The following SLC8A1 variants were observed in gnomAD, a reference collection of about 807,000 sequenced individuals.
The protein encoded by SLC8A1 is solute carrier family 8 member A1.
A neutral mutation model predicts 68.3 loss-of-function variants in SLC8A1; 18 were observed. The observed-to-expected ratio is 0.26, with a 90% confidence interval of 0.18 to 0.39. The LOEUF (loss-of-function observed/expected upper bound fraction) is 0.39, where lower values mean the gene tolerates loss of function less well. Among genes scored for constraint, SLC8A1 ranks in the 10% least tolerant of loss-of-function variants. The pLI, the probability that SLC8A1 is intolerant of heterozygous loss-of-function variation, is 1.00. For missense variants in SLC8A1, 985 were observed against 1,156.7 expected, an observed-to-expected ratio of 0.85 and a Z score of 2.15; for synonymous variants, 475 against 415.5, an observed-to-expected ratio of 1.14 and a Z score of -1.74.
intron 2 of SLC8A1, among the ~76,000 whole-genome samples, chr2:40,375,458 A>G (rs1014122355): frequency 3.9e-5 from 6 of 152,136 alleles, no homozygotes; most frequent in African/African-American, 1.4e-4. Context: ...TTTAAAAAAT[A>G]AGCATTTTAA....
intron 2 of SLC8A1, among the ~76,000 whole-genome samples, chr2:40,179,679 G>C (rs754165224): frequency 6.6e-6 from 1 of 152,040 alleles, no homozygotes; most frequent in Non-Finnish European, 1.5e-5. Flanking sequence ...CTTTAATTTT[G>C]GTGGAGTTTT....
At chr2:40,392,200 GAAAA>G (rs1375101474) in intron 2 of SLC8A1, among the ~76,000 whole-genome samples, 2 of 150,486 alleles carry the variant, frequency 1.3e-5, no homozygotes, top group African/African-American at 4.9e-5. Context: ...AAAAAAGAAA[GAAAA>G]GAAAAAGAAA....
chr2:40,426,664 G>A (rs527364436), intron 2 of SLC8A1, among the ~76,000 whole-genome samples: 1 of 151,948 alleles, frequency 6.6e-6, no homozygotes, highest in South Asian at 2.1e-4. Context: ...ATTTTCAAAA[G>A]AAAATATGCT....
intron 6 of SLC8A1, among the ~76,000 whole-genome samples, chr2:40,142,929 G>T (rs2041845282): frequency 6.6e-6 from 1 of 150,406 alleles, no homozygotes; most frequent in African/African-American, 2.5e-5. Flanking sequence ...ATCAATTAAT[G>T]CAAAATGTGT....
chr2:40,197,689 CT>C (rs1322277397), intron 2 of SLC8A1, among the ~76,000 whole-genome samples: 2 of 150,286 alleles, frequency 1.3e-5, no homozygotes, highest in Non-Finnish European at 3.0e-5. Context: ...AGGAAACTGA[CT>C]GGTTATTCCA....
intron 2 of SLC8A1, among the ~76,000 whole-genome samples, chr2:40,239,128 C>A (rs13414508): frequency 6.6e-6 from 1 of 151,702 alleles, no homozygotes; most frequent in Non-Finnish European, 1.5e-5. Context: ...CTACATCATA[C>A]CATAGTAATC....
intron 2 of SLC8A1, among the ~76,000 whole-genome samples, chr2:40,328,886 T>C (rs2076121402): frequency 6.6e-6 from 1 of 152,110 alleles, no homozygotes; most frequent in South Asian, 2.1e-4. Context: ...TCTACACCAT[T>C]ACCAGTTGCC....
chr2:40,203,847 T>C (rs932100737), intron 2 of SLC8A1, among the ~76,000 whole-genome samples: 2 of 151,838 alleles, frequency 1.3e-5, no homozygotes, highest in African/African-American at 4.8e-5. Flanking sequence ...TGGGACTACA[T>C]GCATGAACTA....
rs774126299 is a variant in SLC8A1, at chr2:40,221,669, A to C, written c.1809-43814T>G. On this transcript the variant is annotated intron_variant, in intron 2 of 7. Coordinates refer to ENST00000406785, the Ensembl canonical transcript of SLC8A1. Reference sequence around the variant, plus strand: ...TCTCCTTAAGCTGATAAGCAACTTCAGCAAAGTCTCTGGATACAAAATCAA... The same window carrying C: ...TCTCCTTAAGCTGATAAGCAACTTCCGCAAAGTCTCTGGATACAAAATCAA... Among the ~76,000 whole-genome samples, 130 of 152,368 alleles carry C rather than the reference A, an allele frequency of 8.5e-4. 2 individuals carry two copies. Among genetic ancestry groups the C allele is most frequent in the Admixed American group, 1.4e-3 (22 of 15,306 alleles).
intron 1 of SLC8A1, among the ~76,000 whole-genome samples, chr2:40,490,575 T>C (rs1705249373): frequency 6.6e-6 from 1 of 152,160 alleles, no homozygotes; most frequent in Non-Finnish European, 1.5e-5. Flanking sequence ...TTTAAAATTT[T>C]ACATATATGC....
intron 2 of SLC8A1, among the ~76,000 whole-genome samples, chr2:40,278,779 A>G (rs1651802320): frequency 6.9e-6 from 1 of 145,782 alleles, no homozygotes; most frequent in Non-Finnish European, 1.5e-5. Flanking sequence ...TACTAATGCC[A>G]CAATGAAAAA....
chr2:40,380,353 G>T (rs1289312206), intron 2 of SLC8A1, among the ~76,000 whole-genome samples: 2 of 152,128 alleles, frequency 1.3e-5, no homozygotes, highest in African/African-American at 4.8e-5. Flanking sequence ...CCTAAGAATT[G>T]CTATGAAATG....
At chr2:40,397,783 A>G (rs1241776455) in intron 2 of SLC8A1, among the ~76,000 whole-genome samples, 1 of 152,204 alleles carries the variant, frequency 6.6e-6, no homozygotes. Context: ...GAAAAATATT[A>G]TCTTTCTTCC....
chr2:40,381,290 C>CCCA (rs1681697542), intron 2 of SLC8A1, among the ~76,000 whole-genome samples: 1 of 152,006 alleles, frequency 6.6e-6, no homozygotes, highest in South Asian at 2.1e-4. Context: ...CACCCACCCA[C>CCCA]CCACATGCTT....
intron 2 of SLC8A1, among the ~76,000 whole-genome samples, chr2:40,333,759 A>G (rs970800735): frequency 3.9e-5 from 6 of 151,946 alleles, no homozygotes; most frequent in African/African-American, 1.5e-4. Flanking sequence ...CACAAAAAAT[A>G]TCAATATGGG....
At chr2:40,324,733 C>G (rs1216012786) in intron 2 of SLC8A1, among the ~76,000 whole-genome samples, 2 of 152,036 alleles carry the variant, frequency 1.3e-5, no homozygotes, top group Non-Finnish European at 2.9e-5. Context: ...ATCAATGTCT[C>G]AAATCTTAAG....
chr2:40,378,371 C>A (rs1400919754), intron 2 of SLC8A1, among the ~76,000 whole-genome samples: 2 of 152,014 alleles, frequency 1.3e-5, no homozygotes, highest in African/African-American at 4.8e-5. Flanking sequence ...TGAAGAAATG[C>A]AAAGGTTATG....
At chr2:40,473,247 T>A (rs1367821354) in intron 1 of SLC8A1, among the ~76,000 whole-genome samples, 2 of 152,158 alleles carry the variant, frequency 1.3e-5, no homozygotes, top group Non-Finnish European at 2.9e-5. Flanking sequence ...GAAAAATACC[T>A]AATTATAAAT....
Position 40,252,518 on chromosome 2 carries a change from G to A in SLC8A1, c.1809-74663C>T, listed in dbSNP as rs148683726. On this transcript the variant is annotated intron_variant, in intron 2 of 7. Transcript: ENST00000406785. ...CAACTAATTTTTTGTGCCTTTAGTA[G>A]AGACAGGGTTTCACCATGTTGGCCA... Among the ~76,000 whole-genome samples, 709 of 152,166 alleles carry A rather than the reference G, an allele frequency of 4.7e-3. 6 individuals carry two copies. Among genetic ancestry groups the A allele is most frequent in the African/African-American group, 0.016 (684 of 41,522 alleles).
Sources: gnomAD v4.1 joint callset for allele counts (sites outside exome capture counted in the v4.1 genomes callset) on GRCh38, gnomAD v4.1.1 for gene constraint, MANE v1.5 for transcripts, NCBI Gene and HGNC (gene_info 2026-07-23, HGNC 2026-07-21) for gene names.